Variants in PEPD observed in about 807,000 individuals in gnomAD.
PEPD encodes xaa-Pro dipeptidase.
A neutral mutation model predicts 60.7 loss-of-function variants in PEPD; 53 were observed. The ratio of observed to expected loss-of-function variants is 0.87; its 90% CI spans 0.70 to 1.10. PEPD has a LOEUF of 1.10. PEPD is among the 50% of genes least tolerant of loss of function. The pLI is 0.00. For synonymous variants in PEPD, 267 were observed against 284.1 expected (o/e 0.94, Z 0.60); for missense variants, 711 against 711.9 (o/e 1.00, Z 0.01).
intron 7 of PEPD, among the ~76,000 whole-genome samples, chr19:33,475,918 A>C (rs1258676939): frequency 6.6e-6 from 1 of 152,160 alleles, no homozygotes; most frequent in Non-Finnish European, 1.5e-5. Flanking sequence ...GGAGTATGGT[A>C]GCATAATCAT....
chr19:33,419,882 C>A (rs1968975257), intron 9 of PEPD, among the ~76,000 whole-genome samples: 1 of 152,120 alleles, frequency 6.6e-6, no homozygotes, highest in South Asian at 2.1e-4. Flanking sequence ...GATGCTGAGG[C>A]CCCGCCCAGA....
intron 4 of PEPD, among the ~76,000 whole-genome samples, chr19:33,494,958 C>A (rs926013181): frequency 6.6e-6 from 1 of 151,992 alleles, no homozygotes; most frequent in Non-Finnish European, 1.5e-5. Context: ...AACAGTGAAA[C>A]CCCATCTCTA....
intron 4 of PEPD, among the ~76,000 whole-genome samples, chr19:33,498,187 G>C (rs1217167200): frequency 1.3e-5 from 2 of 152,136 alleles, no homozygotes; most frequent in South Asian, 2.1e-4. Context: ...AGTAAAAACA[G>C]CAGCAGTAAC....
At chr19:33,461,114 G>C (rs1405416198) in intron 9 of PEPD, among the ~76,000 whole-genome samples, 1 of 152,160 alleles carries the variant, frequency 6.6e-6, no homozygotes, top group Non-Finnish European at 1.5e-5. Flanking sequence ...ATATTGGCAT[G>C]GTGGTTATGT....
intron 9 of PEPD, among the ~76,000 whole-genome samples, chr19:33,445,982 C>T (rs6510385): frequency 0.085 from 12,995 of 152,252 alleles, 753 homozygotes; most frequent in Admixed American, 0.18. Flanking sequence ...GCCCCTGCCC[C>T]CACCACCAAG....
chr19:33,422,535 C>T, intron 9 of PEPD, among the ~76,000 whole-genome samples: 1 of 151,886 alleles, frequency 6.6e-6, no homozygotes, highest in East Asian at 1.9e-4. Flanking sequence ...ACTTACCTAT[C>T]ATCCATCTAC....
intron 7 of PEPD, among the ~76,000 whole-genome samples, chr19:33,473,951 G>A (rs922447933): frequency 6.6e-6 from 1 of 152,216 alleles, no homozygotes; most frequent in African/African-American, 2.4e-5. Context: ...AATGACAGCC[G>A]AACAAAAATG....
intron 9 of PEPD, among the ~76,000 whole-genome samples, chr19:33,461,265 A>G (rs1412912190): frequency 2.0e-5 from 3 of 152,064 alleles, no homozygotes; most frequent in Non-Finnish European, 4.4e-5. Flanking sequence ...TTTGGGGTTC[A>G]TTATACTTTT....
intron 1 of PEPD, among the ~76,000 whole-genome samples, chr19:33,517,782 T>A (rs967761681): frequency 2.6e-5 from 4 of 150,962 alleles, no homozygotes; most frequent in Admixed American, 6.6e-5. Context: ...CTGGCCAACA[T>A]AATGAAACCC....
chr19:33,454,581 G>T (rs1969761233), intron 9 of PEPD, among the ~76,000 whole-genome samples: 1 of 151,328 alleles, frequency 6.6e-6, no homozygotes, highest in Non-Finnish European at 1.5e-5. Flanking sequence ...CAGCCTCGGT[G>T]ATGGAGCGAG....
chr19:33,388,252 G>C, intron 13 of PEPD, 171 bp from the exon 14 acceptor site: 1 of 706,190 alleles, frequency 1.4e-6, no homozygotes, highest in East Asian at 2.7e-5. Context: ...ACCCTGATAA[G>C]ACCTTCCACC....
chr19:33,409,930 C>T (rs1394122248), intron 11 of PEPD, among the ~76,000 whole-genome samples: 1 of 152,228 alleles, frequency 6.6e-6, no homozygotes, highest in African/African-American at 2.4e-5. Flanking sequence ...TCCACAGAGA[C>T]CCAGAAGAAG....
intron 3 of PEPD, among the ~76,000 whole-genome samples, chr19:33,503,313 T>C (rs1970745116): frequency 6.6e-6 from 1 of 152,194 alleles, no homozygotes; most frequent in East Asian, 1.9e-4. Context: ...CCCTTTGCTT[T>C]CTCTCCCTTT....
intron 9 of PEPD, among the ~76,000 whole-genome samples, chr19:33,419,536 G>A (rs1414418123): frequency 6.6e-6 from 1 of 152,198 alleles, no homozygotes; most frequent in African/African-American, 2.4e-5. Context: ...GTTCGGGCTC[G>A]GAGTCCACGC....
chr19:33,387,112 C>T lies in PEPD; in HGVS notation c.*232G>A. The T allele has an allele frequency of 3.5e-6, 2 of 568,312 alleles. No homozygotes were observed. Among genetic ancestry groups the T allele is most frequent in the Non-Finnish European group, 6.3e-6 (2 of 319,682 alleles). The allele number at this position is 568,312 out of a possible 1,614,324, so 35.2% of individuals were successfully genotyped here. ...CATTATTTTCAATCATTTTAAGTCG[C>T]TCATTTAATAAGCAAGGTATAAAAC... On this transcript the variant is annotated 3_prime_UTR_variant, in exon 15 of 15. Coordinates refer to ENST00000244137, the MANE Select transcript of PEPD (RefSeq NM_000285.4).
chr19:33,491,596 C>T lies in PEPD; in HGVS notation c.442-1539G>A, dbSNP rs565867737. On this transcript the variant is annotated intron_variant, in intron 5 of 14. Transcript: ENST00000244137. ...GTTCACCAAACAAAGGAGACAGGGT[C>T]GTTTATAACCTGGCGTGTCCACCCT... Among the ~76,000 whole-genome samples, 13 of 152,304 alleles carry T rather than the reference C, an allele frequency of 8.5e-5. 1 individual carries two copies. Among genetic ancestry groups the T allele is most frequent in the Middle Eastern group, 3.4e-3 (1 of 294 alleles).
chr19:33,435,247 G>A (rs894770089), intron 9 of PEPD, among the ~76,000 whole-genome samples: 9 of 151,878 alleles, frequency 5.9e-5, no homozygotes, highest in East Asian at 3.9e-4. Flanking sequence ...CTGGGCCGGC[G>A]TCTGATCCCG....
rs111366820 is a variant in PEPD, at chr19:33,405,562, G to A, written c.819-3693C>T. The stretch of plus-strand genomic sequence containing the variant: ...CTCAGTGTGAGACCGAAAGGGAGGC[G>A]TATGGGTCACTCTTCCCTTCATCTG... On this transcript the variant is annotated intron_variant, in intron 11 of 14. Transcript: ENST00000244137. Among the ~76,000 whole-genome samples, 312 of 152,328 alleles carry A rather than the reference G, an allele frequency of 2.0e-3. 3 individuals are homozygous for A. The highest frequency in any genetic ancestry group is 7.2e-3 in the African/African-American group (298 of 41,586).
intron 1 of PEPD, among the ~76,000 whole-genome samples, chr19:33,520,509 T>C (rs1208702937): frequency 6.6e-6 from 1 of 152,206 alleles, no homozygotes; most frequent in Non-Finnish European, 1.5e-5. Context: ...GGCAAGCAGA[T>C]GGATGACAGA....
Sources: gnomAD v4.1 joint callset for allele counts (sites outside exome capture counted in the v4.1 genomes callset) on GRCh38, gnomAD v4.1.1 for gene constraint, MANE v1.5 for transcripts, NCBI Gene and HGNC (gene_info 2026-07-23, HGNC 2026-07-21) for gene names.